The following SNX6 variants were observed in gnomAD, a reference collection of about 807,000 sequenced individuals.
SNX6 encodes the protein sorting nexin 6.
Under a neutral mutation model 63.0 loss-of-function variants are expected in SNX6, and 34 were observed. The observed-to-expected ratio is 0.54, with a 90% CI of 0.41 to 0.72. The LOEUF (loss-of-function observed/expected upper bound fraction) is 0.72, where lower values mean the gene tolerates loss of function less well. SNX6 is among the 30% of genes least tolerant of loss of function. The pLI is 0.00. For synonymous variants in SNX6, 170 were observed against 164.2 expected (o/e 1.04, Z -0.27); for missense variants, 398 against 471.4 (o/e 0.84, Z 1.44).
At chr14:34,581,932 G>A (rs566737504) in intron 9 of SNX6, among the ~76,000 whole-genome samples, 124 of 152,128 alleles carry the variant, frequency 8.2e-4, no homozygotes, top group African/African-American at 2.8e-3. Context: ...GAGTTCAAGC[G>A]ATTCTCCAGC....
At chr14:34,565,586 G>A (rs1313173156) in intron 13 of SNX6, among the ~76,000 whole-genome samples, 1 of 151,272 alleles carries the variant, frequency 6.6e-6, no homozygotes, top group Non-Finnish European at 1.5e-5. Flanking sequence ...GCGCAATCTT[G>A]GCTCACGGCA....
chr14:34,597,618 CTTT>C lies in SNX6; in HGVS notation c.541_543del (p.Lys181del). The C allele has an allele frequency of 6.2e-7, 1 of 1,606,432 alleles. No individual in the cohort carries two copies. The highest frequency in any genetic ancestry group is 8.5e-7 in the Non-Finnish European group (1 of 1,175,606). Reference sequence around the variant, plus strand: ...TTTTTAAAGAAGTCTTCAAGTTTCTCTTTTTTATTTTTTCCTCGCACACTCAAC... The same window carrying C: ...TTTTTAAAGAAGTCTTCAAGTTTCTCTTTATTTTTTCCTCGCACACTCAAC... On this transcript the variant is annotated inframe_deletion, in exon 7 of 14. Coordinates refer to ENST00000362031, the MANE Select transcript of SNX6 (RefSeq NM_152233.4).
At chr14:34,578,201 C>A (rs865837307) in intron 10 of SNX6, among the ~76,000 whole-genome samples, 43 of 151,718 alleles carry the variant, frequency 2.8e-4, no homozygotes, top group African/African-American at 9.9e-4. Flanking sequence ...AAGACTCTGT[C>A]TCAAAACAAA....
intron 7 of SNX6, among the ~76,000 whole-genome samples, chr14:34,595,149 T>C (rs935068794): frequency 2.6e-5 from 4 of 151,624 alleles, no homozygotes; most frequent in African/African-American, 7.3e-5. Context: ...ATTCATAATA[T>C]GTAACAGTTC....
At chr14:34,603,310 A>G in intron 6 of SNX6, 38 bp downstream of exon 6, 1 of 1,563,712 alleles carries the variant, frequency 6.4e-7, no homozygotes, top group Non-Finnish European at 8.6e-7. Flanking sequence ...GAAGAAGAAG[A>G]AAAAGAAAAC....
intron 10 of SNX6, among the ~76,000 whole-genome samples, chr14:34,580,030 C>A: frequency 6.6e-6 from 1 of 151,972 alleles, no homozygotes. Context: ...ACTAAAAATA[C>A]AAAAATTAGC....
intron 8 of SNX6, among the ~76,000 whole-genome samples, chr14:34,588,061 G>A (rs1236620886): frequency 1.3e-5 from 2 of 150,590 alleles, no homozygotes; most frequent in Non-Finnish European, 3.0e-5. Flanking sequence ...AGGCTGGAGT[G>A]CAGTGGCACA....
intron 13 of SNX6, among the ~76,000 whole-genome samples, chr14:34,563,784 A>G (rs1190729111): frequency 2.0e-5 from 3 of 151,516 alleles, no homozygotes. Flanking sequence ...TGTTGCCCAG[A>G]CTGGAGTGCA....
At chr14:34,616,022 C>G (rs527583908) in intron 2 of SNX6, among the ~76,000 whole-genome samples, 115 of 152,312 alleles carry the variant, frequency 7.6e-4, no homozygotes, top group Admixed American at 1.4e-3. Flanking sequence ...GTGGCGTGAT[C>G]TTGGCTCACT....
intron 8 of SNX6, among the ~76,000 whole-genome samples, chr14:34,592,259 G>T (rs1259047294): frequency 6.6e-6 from 1 of 152,136 alleles, no homozygotes; most frequent in Non-Finnish European, 1.5e-5. Flanking sequence ...GGTGGCAGGT[G>T]CCTGTAATCC....
chr14:34,583,439 T>TTTTC (rs112991645), intron 9 of SNX6, among the ~76,000 whole-genome samples: 60,262 of 146,974 alleles, frequency 0.41, 13,007 homozygotes, highest in African/African-American at 0.48. Flanking sequence ...ATTTTTTTCT[T>TTTTC]TTTTTTTTTT....
chr14:34,614,001 G>A (rs548713879), intron 2 of SNX6, among the ~76,000 whole-genome samples: 4 of 151,590 alleles, frequency 2.6e-5, no homozygotes, highest in South Asian at 4.2e-4. Context: ...CCAGCTACTC[G>A]GGAGGCTGAG....
At chr14:34,593,564 A>C (rs973355604) in intron 7 of SNX6, among the ~76,000 whole-genome samples, 3 of 147,958 alleles carry the variant, frequency 2.0e-5, no homozygotes, top group African/African-American at 7.5e-5. Flanking sequence ...ACACCCAGCT[A>C]ATTTCTTTTC....
In SNX6 at chr14:34,562,951, G is replaced by C; in HGVS notation, c.*171C>G. On this transcript the variant is annotated 3_prime_UTR_variant, in exon 14 of 14. Coordinates refer to ENST00000362031, the MANE Select transcript of SNX6 (RefSeq NM_152233.4). ...GTGCGGCATCACGGCACACAGACTG[G>C]CATCGCCTGGGCGTGCGCTGCTCCA... The C allele has an allele frequency of 1.6e-6, 1 of 641,176 alleles. No homozygotes were observed. The highest frequency in any genetic ancestry group is 2.8e-6 in the Non-Finnish European group (1 of 361,940). 39.7% of individuals were successfully genotyped at this position (641,176 alleles called of 1,614,324 possible).
chr14:34,617,428 T>C (rs915508909), intron 2 of SNX6, among the ~76,000 whole-genome samples: 7 of 151,840 alleles, frequency 4.6e-5, no homozygotes, highest in Admixed American at 1.3e-4. Context: ...TCACTTGTGG[T>C]CAGGAGTTCG....
At chr14:34,629,857 T>A in intron 2 of SNX6, 50 bp downstream of exon 2, 1 of 1,548,864 alleles carries the variant, frequency 6.5e-7, no homozygotes, top group South Asian at 1.2e-5. Context: ...GGACCCAGGA[T>A]GGGGAAGGAG....
At chr14:34,597,788 A>AT (rs1400405599) in intron 6 of SNX6, 143 bp from the exon 7 acceptor site, 5 of 576,580 alleles carry the variant, frequency 8.7e-6, no homozygotes, top group Admixed American at 3.3e-5. Flanking sequence ...CACATCAATG[A>AT]TTTTCAAATT....
At chr14:34,622,110 C>A (rs1199050902) in intron 2 of SNX6, among the ~76,000 whole-genome samples, 1 of 151,378 alleles carries the variant, frequency 6.6e-6, no homozygotes, top group Non-Finnish European at 1.5e-5. Flanking sequence ...AGGCACCTAC[C>A]GTCACACCTG....
intron 2 of SNX6, among the ~76,000 whole-genome samples, chr14:34,628,850 G>A (rs1469338312): frequency 6.6e-6 from 1 of 152,058 alleles, no homozygotes; most frequent in Non-Finnish European, 1.5e-5. Context: ...CTTGCTGAAT[G>A]GTAATTATCA....
Sources: gnomAD v4.1 joint callset for allele counts (sites outside exome capture counted in the v4.1 genomes callset) on GRCh38, gnomAD v4.1.1 for gene constraint, MANE v1.5 for transcripts, NCBI Gene and HGNC (gene_info 2026-07-23, HGNC 2026-07-21) for gene names.